Variants in CATSPERB observed in about 807,000 individuals in gnomAD.
CATSPERB encodes catsper channel auxiliary subunit beta.
CATSPERB carries 93 observed loss-of-function variants against 128.3 expected under a neutral mutation model. The ratio of observed to expected loss-of-function variants is 0.72; its 90% confidence interval spans 0.61 to 0.86. The LOEUF (loss-of-function observed/expected upper bound fraction) is 0.86, where lower values mean the gene tolerates loss of function less well. Among genes scored for constraint, CATSPERB ranks in the 40% least tolerant of loss-of-function variants. The pLI is 0.00. For synonymous variants in CATSPERB, 381 were observed against 448.8 expected, an observed-to-expected ratio of 0.85 and a Z score of 1.91; for missense variants, 1,153 against 1,329.5, an observed-to-expected ratio of 0.87 and a Z score of 2.06.
rs1893757931 is a variant in CATSPERB at position 91,608,523 on chromosome 14, A to G, written c.2599-119T>C. The G allele has an allele frequency of 3.6e-5, 23 of 640,888 alleles. No individual in the cohort carries two copies. The South Asian group carries it at 4.0e-4, about 11-fold the overall frequency. The allele number at this position is 640,888 out of a possible 1,614,324, so 39.7% of individuals were successfully genotyped here. A position where few individuals can be genotyped will look rare whatever the true frequency, so the allele number is the denominator to read the frequency against. ...AATTCAATTTTTAGCTACAGGTATTAAAGTAAATTTATCTCCCCCAACTTT... is the reference window on the plus strand; with the variant it reads ...AATTCAATTTTTAGCTACAGGTATTGAAGTAAATTTATCTCCCCCAACTTT... On this transcript the variant is annotated intron_variant, in intron 21 of 26. Coordinates refer to ENST00000256343, the MANE Select transcript of CATSPERB (RefSeq NM_024764.4).
At chr14:91,666,060 T>C (rs1402336723) in intron 14 of CATSPERB, among the ~76,000 whole-genome samples, 1 of 152,154 alleles carries the variant, frequency 6.6e-6, no homozygotes, top group Non-Finnish European at 1.5e-5. Context: ...TAAGAGGCTG[T>C]TGCCCCTTCA....
At chr14:91,686,147 C>T (rs1432669174) in intron 10 of CATSPERB, among the ~76,000 whole-genome samples, 1 of 152,168 alleles carries the variant, frequency 6.6e-6, no homozygotes, top group Non-Finnish European at 1.5e-5. Context: ...ATATTATCTT[C>T]CCCTCACTCT....
chr14:91,584,526 T>G (rs1396520479), intron 26 of CATSPERB, among the ~76,000 whole-genome samples: 1 of 152,248 alleles, frequency 6.6e-6, no homozygotes, highest in Non-Finnish European at 1.5e-5. Context: ...GCTTCAAGGT[T>G]CCTGCTGTTA....
chr14:91,710,580 G>A (rs978886364), intron 5 of CATSPERB: 1 of 152,182 alleles, frequency 6.6e-6, no homozygotes, highest in African/African-American at 2.4e-5. Context: ...GATACTAGCA[G>A]TAAACCCAGA....
intron 19 of CATSPERB, among the ~76,000 whole-genome samples, chr14:91,620,476 C>A (rs570407679): frequency 2.0e-5 from 3 of 152,002 alleles, no homozygotes; most frequent in Non-Finnish European, 4.4e-5. Context: ...TTTTCCTTGC[C>A]CTTTCTCCCC....
Position 91,719,307 on chromosome 14 carries a change from G to A in CATSPERB, c.370+111C>T, listed in dbSNP as rs184985152. On this transcript the variant is annotated intron_variant, in intron 5 of 26. Transcript: ENST00000256343. ...GTAAGTATGCCCCAAATACCACATG[G>A]GGGATTTACATGACATAACAAATCA... The A allele has an allele frequency of 3.4e-4, 235 of 684,862 alleles. No individual in the cohort carries two copies. In the African/African-American group the frequency reaches 3.9e-3, roughly 11 times the overall value. 42.4% of individuals were successfully genotyped at this position (684,862 alleles called of 1,614,324 possible). A position where few individuals can be genotyped will look rare whatever the true frequency, so the allele number is the denominator to read the frequency against.
At chr14:91,693,103 T>C (rs199907363) in intron 9 of CATSPERB, 23 bp downstream of exon 9, 11 of 1,409,788 alleles carry the variant, frequency 7.8e-6, no homozygotes, top group Non-Finnish European at 1.0e-5. Context: ...GATTAGCTAT[T>C]AGTTACAAAG....
At chr14:91,589,893 A>T (rs1170592130) in intron 23 of CATSPERB, among the ~76,000 whole-genome samples, 3 of 152,200 alleles carry the variant, frequency 2.0e-5, no homozygotes, top group Non-Finnish European at 2.9e-5. Flanking sequence ...TCACTTCTAT[A>T]GGCCCTTTTC....
At chr14:91,656,347 G>T (rs1894787731) in intron 15 of CATSPERB, among the ~76,000 whole-genome samples, 1 of 151,950 alleles carries the variant, frequency 6.6e-6, no homozygotes, top group African/African-American at 2.4e-5. Context: ...AAAACTAAAA[G>T]ATAAACTGAT....
chr14:91,677,153 A>G (rs1056375944), intron 11 of CATSPERB, among the ~76,000 whole-genome samples: 1 of 152,250 alleles, frequency 6.6e-6, no homozygotes, highest in Non-Finnish European at 1.5e-5. Flanking sequence ...CATTCAGGAC[A>G]TAGGCATGGG....
chr14:91,589,390 G>T, intron 24 of CATSPERB, 144 bp downstream of exon 24: 1 of 655,218 alleles, frequency 1.5e-6, no homozygotes, highest in Non-Finnish European at 2.4e-6. Flanking sequence ...GAAGTAAACA[G>T]CAATATGCCA....
chr14:91,609,967 C>T lies in CATSPERB; in HGVS notation c.2598+513G>A, dbSNP rs573245195. Among the ~76,000 whole-genome samples the T allele has an allele frequency of 7.9e-5, 12 of 152,174 alleles. No individual in the cohort carries two copies. In the South Asian group the frequency reaches 1.7e-3, roughly 21 times the overall value. On this transcript the variant is annotated intron_variant, in intron 21 of 26. Transcript: ENST00000256343. ...ATACCCTGACCTCAAGTGATCTGCCCGCCTTGACCTCCCAAAGTGCTGGGA... is the reference window on the plus strand; with the variant it reads ...ATACCCTGACCTCAAGTGATCTGCCTGCCTTGACCTCCCAAAGTGCTGGGA...
chr14:91,695,129 ATTTTTTTT>A lies in CATSPERB; in HGVS notation c.617-1658_617-1651del, dbSNP rs34458723. ...TTTAGTTTTACAGATAATGGTGGGA[ATTTTTTTT>A]TTTTTTTTTTTTGATAGAGTCTCAC... On this transcript the variant is annotated intron_variant, in intron 7 of 26. Coordinates refer to ENST00000256343, the MANE Select transcript of CATSPERB (RefSeq NM_024764.4). 8.2e-3 allele frequency among the ~76,000 whole-genome samples: 1,097 copies of A among 133,534 alleles called. 11 individuals carry two copies. The highest frequency in any genetic ancestry group is 0.013 in the Non-Finnish European group (791 of 62,686). The allele number at this position is 133,534 out of a possible 152,430, so 87.6% of individuals were successfully genotyped here.
rs58330624 is a variant in CATSPERB, at chr14:91,661,524, CATATATATATAT to C, written c.1288-1555_1288-1544del. Among the ~76,000 whole-genome samples the C allele has an allele frequency of 2.6e-4, 33 of 127,052 alleles. 2 individuals are homozygous for C. Among genetic ancestry groups the C allele is most frequent in the African/African-American group, 1.1e-3 (33 of 31,280 alleles). The allele number at this position is 127,052 out of a possible 152,430, so 83.4% of individuals were successfully genotyped here. ...ATTAAGCTGCTGAGTCAGATGCTAT[CATATATATATAT>C]ATATATATATATTTAAGACAGGGTC... On this transcript the variant is annotated intron_variant, in intron 14 of 26. Coordinates refer to ENST00000256343, the MANE Select transcript of CATSPERB (RefSeq NM_024764.4).
intron 17 of CATSPERB, 172 bp downstream of exon 17, chr14:91,636,253 T>G: frequency 1.7e-6 from 1 of 584,802 alleles, no homozygotes; most frequent in Non-Finnish European, 3.0e-6. Flanking sequence ...GTCCCAGCTA[T>G]TCTGGAGGCT....
chr14:91,715,092 G>A (rs1895914627), intron 5 of CATSPERB: 1 of 152,068 alleles, frequency 6.6e-6, no homozygotes, highest in South Asian at 2.1e-4. Context: ...AGCTTCTCTA[G>A]TAACAAACTA....
chr14:91,600,368 C>T (rs916081821), intron 22 of CATSPERB, among the ~76,000 whole-genome samples: 2 of 152,168 alleles, frequency 1.3e-5, no homozygotes, highest in Non-Finnish European at 2.9e-5. Context: ...ATGACTAAGA[C>T]GTTGAGTATC....
intron 9 of CATSPERB, among the ~76,000 whole-genome samples, chr14:91,692,175 C>CAAAAA (rs748422210): frequency 3.6e-5 from 2 of 55,486 alleles, no homozygotes. Flanking sequence ...GACTCAGTCT[C>CAAAAA]AAAAAAAAAA....
intron 19 of CATSPERB, among the ~76,000 whole-genome samples, chr14:91,620,382 C>A (rs1349167410): frequency 6.6e-6 from 1 of 152,080 alleles, no homozygotes; most frequent in Admixed American, 6.5e-5. Flanking sequence ...AGTATCTGGG[C>A]CTCACATCCT....
Sources: allele counts gnomAD v4.1 joint callset (sites outside exome capture counted in the v4.1 genomes callset), GRCh38; gene constraint gnomAD v4.1.1; transcripts MANE v1.5; gene names NCBI Gene and HGNC (gene_info 2026-07-23, HGNC 2026-07-21).